Variants in CYTIP observed in about 807,000 individuals in gnomAD.
CYTIP encodes cytohesin 1 interacting protein.
A neutral mutation model predicts 43.8 loss-of-function variants in CYTIP; 26 were observed. The ratio of observed to expected loss-of-function variants is 0.59; its 90% CI spans 0.44 to 0.82. CYTIP has a LOEUF of 0.82. Ranked by LOEUF, CYTIP falls within the 40% of genes least tolerant of loss-of-function variation. CYTIP has a pLI of 0.00. For synonymous variants in CYTIP, 162 were observed against 162.9 expected, an observed-to-expected ratio of 0.99 and a Z score of 0.04; for missense variants, 426 against 443.1, an observed-to-expected ratio of 0.96 and a Z score of 0.35.
At chr2:157,431,334 C>T (rs1685712024) in intron 3 of CYTIP, among the ~76,000 whole-genome samples, 1 of 152,200 alleles carries the variant, frequency 6.6e-6, no homozygotes, top group Non-Finnish European at 1.5e-5. Context: ...GTGGTTCTCC[C>T]AAGCTAAAAC....
At chr2:157,419,387 A>T (rs1573853680) in intron 6 of CYTIP, among the ~76,000 whole-genome samples, 1 of 152,196 alleles carries the variant, frequency 6.6e-6, no homozygotes, top group South Asian at 2.1e-4. Flanking sequence ...TAAGCACCCT[A>T]ACTTCTTAAC....
At chr2:157,436,704 A>C (rs1047569996) in intron 1 of CYTIP, among the ~76,000 whole-genome samples, 1 of 152,076 alleles carries the variant, frequency 6.6e-6, no homozygotes, top group African/African-American at 2.4e-5. Context: ...TATTTGTTTT[A>C]CTTTCTGCCC....
At chr2:157,425,963 A>C (rs1685599247) in intron 6 of CYTIP, among the ~76,000 whole-genome samples, 1 of 152,156 alleles carries the variant, frequency 6.6e-6, no homozygotes, top group African/African-American at 2.4e-5. Flanking sequence ...TCAATAATTG[A>C]GCTAAAGGGG....
intron 1 of CYTIP, chr2:157,438,833 A>AG (rs1402889186): frequency 9.6e-6 from 2 of 207,644 alleles, no homozygotes; most frequent in African/African-American, 4.7e-5. Flanking sequence ...AATGGTGGCA[A>AG]GAATTAATAA....
intron 1 of CYTIP, among the ~76,000 whole-genome samples, chr2:157,437,447 T>C (rs2105145437): frequency 6.6e-6 from 1 of 152,134 alleles, no homozygotes; most frequent in East Asian, 1.9e-4. Flanking sequence ...ACACCTGTAA[T>C]CCCAGCACTT....
Position 157,418,525 on chromosome 2 carries a change from T to C in CYTIP, c.611A>G (p.His204Arg), listed in dbSNP as rs766425231. The change falls in exon 7 of 8, where the codon CAT becomes CGT. Residue 204 changes from histidine (H) to arginine (R), a missense_variant and splice_region_variant. Transcript: ENST00000264192. ...TCTGAACAGGAAATTGCATTTACCA[T>C]GAAGCAGACGATGTTCCTGTAACTG... ...SLQLQEHRLL[H>R]GDAANCPSLE... The C allele has an allele frequency of 1.3e-5, 20 of 1,592,608 alleles. No homozygotes were observed. Among genetic ancestry groups the C allele is most frequent in the Non-Finnish European group, 1.6e-5 (19 of 1,170,174 alleles).
chr2:157,443,884 G>C lies in CYTIP; in HGVS notation c.137C>G (p.Ala46Gly). ...CCGAGGCAGAGTAGCCACCGTGTCT[G>C]CTAGCATTTGAATCCTTCTATTATC... ...MDDNRRIQML[A>G]DTVATLPRGR... The change falls in exon 1 of 8, where the codon GCA becomes GGA. Residue 46 changes from alanine to glycine, a missense_variant. Physicochemically the swap from Ala to Gly is moderately conservative, Grantham distance 60 (BLOSUM62 0). Coordinates refer to ENST00000264192, the MANE Select transcript of CYTIP (RefSeq NM_004288.5). 2 of 1,614,132 alleles carry C rather than the reference G, an allele frequency of 1.2e-6. No homozygotes were observed. Among genetic ancestry groups the C allele is most frequent in the Non-Finnish European group, 1.7e-6 (2 of 1,179,998 alleles).
intron 5 of CYTIP, among the ~76,000 whole-genome samples, chr2:157,429,736 G>A (rs1685674054): frequency 6.6e-6 from 1 of 152,110 alleles, no homozygotes; most frequent in Non-Finnish European, 1.5e-5. Flanking sequence ...CTATTAAGAA[G>A]TTTGGGGCCA....
intron 7 of CYTIP, among the ~76,000 whole-genome samples, chr2:157,417,952 T>G (rs1459504290): frequency 1.3e-5 from 2 of 152,230 alleles, no homozygotes; most frequent in African/African-American, 4.8e-5. Context: ...AATAGCGAAT[T>G]AACACATTTT....
At chr2:157,434,455 C>A in intron 2 of CYTIP, 31 bp from the exon 3 acceptor site, 1 of 1,527,198 alleles carries the variant, frequency 6.5e-7, no homozygotes, top group Non-Finnish European at 9.0e-7. Flanking sequence ...AAAGAAACTG[C>A]ATGAAAATTA....
chr2:157,424,299 T>C (rs1685568764), intron 6 of CYTIP, among the ~76,000 whole-genome samples: 1 of 152,126 alleles, frequency 6.6e-6, no homozygotes, highest in Admixed American at 6.5e-5. Context: ...ATTTCACATG[T>C]CTATTAACGT....
In CYTIP at chr2:157,443,980, T is replaced by C. The variant is rs1384284090; in HGVS notation, c.41A>G (p.Asn14Ser). The change falls in exon 1 of 8, where the codon AAT becomes AGT. Residue 14 changes from asparagine (N) to serine (S), a missense_variant. Asn to Ser is a conservative substitution (Grantham distance 46). Transcript: ENST00000264192. The part of the protein sequence containing the change: ...QRLLQHSSNG[N>S]LADFCAGPAY... ...TGGCCCAGCGCAGAAGTCCGCCAAATTGCCATTGCTGCTGTGTTGCAGGAG... is the reference window on the plus strand; with the variant it reads ...TGGCCCAGCGCAGAAGTCCGCCAAACTGCCATTGCTGCTGTGTTGCAGGAG... 31 of 1,613,946 alleles carry C rather than the reference T, an allele frequency of 1.9e-5. No individual in the cohort carries two copies. The highest frequency in any genetic ancestry group is 2.7e-5 in the African/African-American group (2 of 74,908).
At chr2:157,432,864 A>G (rs1311349622) in intron 3 of CYTIP, among the ~76,000 whole-genome samples, 1 of 152,170 alleles carries the variant, frequency 6.6e-6, no homozygotes, top group Non-Finnish European at 1.5e-5. Flanking sequence ...GTATTTGACA[A>G]TGGAGAGCAT....
At position 157,430,916 on chromosome 2, in the gene CYTIP, G is replaced by A. The variant is rs751727610; in HGVS notation, c.326C>T (p.Thr109Ile). The change falls in exon 4 of 8, where the codon ACT becomes ATT. Residue 109 changes from threonine to isoleucine, a missense_variant. Transcript: ENST00000264192. ...GTCCTCCTGTATTTTGCATATCAAA[G>A]TGAACATTTCCGAGGAGCAGGCATT... ...NQNACSSEMFTLICKIQEDSP... is the reference protein window; with the variant it reads ...NQNACSSEMFILICKIQEDSP... The A allele has an allele frequency of 1.9e-6, 3 of 1,613,984 alleles. No individual in the cohort carries two copies. The highest frequency in any genetic ancestry group is 1.7e-6 in the Non-Finnish European group (2 of 1,179,984).
chr2:157,422,311 G>C (rs767076680), intron 6 of CYTIP, among the ~76,000 whole-genome samples: 1 of 152,132 alleles, frequency 6.6e-6, no homozygotes, highest in Non-Finnish European at 1.5e-5. Flanking sequence ...GATGTTTAAT[G>C]ATAAAAAAGA....
At chr2:157,441,207 A>C (rs1423551247) in intron 1 of CYTIP, among the ~76,000 whole-genome samples, 2 of 152,240 alleles carry the variant, frequency 1.3e-5, no homozygotes, top group Non-Finnish European at 1.5e-5. Context: ...AACAGTAGGC[A>C]GAGAAACACC....
intron 5 of CYTIP, among the ~76,000 whole-genome samples, chr2:157,429,516 C>T (rs1685668197): frequency 6.6e-6 from 1 of 152,172 alleles, no homozygotes; most frequent in Non-Finnish European, 1.5e-5. Context: ...TGAGCCATTT[C>T]CTTCCATAAC....
At chr2:157,416,950 G>T (rs1246340006) in intron 7 of CYTIP, among the ~76,000 whole-genome samples, 1 of 151,900 alleles carries the variant, frequency 6.6e-6, no homozygotes, top group Non-Finnish European at 1.5e-5. Flanking sequence ...CACTAACTGA[G>T]TTGGTTGGTA....
rs756383342 is a variant in CYTIP, at chr2:157,434,429, A to T, written c.225-5T>A. 5.6e-6 allele frequency: 9 copies of T among 1,606,530 alleles called. No homozygotes were observed. Among genetic ancestry groups the T allele is most frequent in the South Asian group, 1.1e-5 (1 of 90,200 alleles). On this transcript the variant is annotated splice_region_variant and splice_polypyrimidine_tract_variant and intron_variant, in intron 2 of 7. Transcript: ENST00000264192. ...TTCTCCACAGTAACAAGCTTTCTGT[A>T]ATAAAAATGTTTAAAAAAGAAACTG...
Sources: gnomAD v4.1 joint callset for allele counts (sites outside exome capture counted in the v4.1 genomes callset) on GRCh38, gnomAD v4.1.1 for gene constraint, MANE v1.5 for transcripts, NCBI Gene and HGNC (gene_info 2026-07-23, HGNC 2026-07-21) for gene names.